The following GFRA2 variants were observed in gnomAD, a reference collection of about 807,000 sequenced individuals.
The protein encoded by GFRA2 is GDNF family receptor alpha 2.
In GFRA2, 17 loss-of-function variants were observed where a neutral mutation model predicts 48.3. The ratio of observed to expected loss-of-function variants is 0.35; its 90% confidence interval spans 0.24 to 0.53. The LOEUF (loss-of-function observed/expected upper bound fraction) is 0.53. Ranked by LOEUF, GFRA2 falls within the 20% of genes least tolerant of loss-of-function variation. GFRA2 has a pLI of 0.93. For missense variants in GFRA2, 660 were observed against 637.3 expected (o/e 1.04, Z -0.38); for synonymous variants, 305 against 257.2 (o/e 1.19, Z -1.78).
intron 1 of GFRA2, among the ~76,000 whole-genome samples, chr8:21,811,781 G>A (rs976405498): frequency 3.3e-5 from 5 of 151,224 alleles, no homozygotes; most frequent in Non-Finnish European, 7.4e-5. Flanking sequence ...GAAAGGCTTG[G>A]CTCTTGTTTT....
upstream of GFRA2, among the ~76,000 whole-genome samples, chr8:21,792,034 C>A (rs1173606898): frequency 6.6e-6 from 1 of 152,206 alleles, no homozygotes; most frequent in Non-Finnish European, 1.5e-5. Context: ...GAGCCTCCTG[C>A]CCACAGCCCC....
intron 4 of GFRA2, among the ~76,000 whole-genome samples, chr8:21,735,237 G>C (rs1228659940): frequency 6.6e-6 from 1 of 152,194 alleles, no homozygotes; most frequent in Non-Finnish European, 1.5e-5. Flanking sequence ...CAAAGGTGAA[G>C]TCTTGCATCC....
intron 2 of GFRA2, among the ~76,000 whole-genome samples, chr8:21,803,807 T>C (rs1235920890): frequency 2.0e-5 from 3 of 152,194 alleles, no homozygotes; most frequent in African/African-American, 4.8e-5. Context: ...TAATTTATTT[T>C]ACTTTTTTAG....
At chr8:21,736,917 G>GGAGGGGAGGGGAGGA (rs1200483226) in intron 4 of GFRA2, among the ~76,000 whole-genome samples, 24 of 144,236 alleles carry the variant, frequency 1.7e-4, no homozygotes, top group Non-Finnish European at 2.9e-4. Flanking sequence ...TGAGGGGAGG[G>GGAGGGGAGGGGAGGA]GAGGGGAGGG....
Position 21,735,194 on chromosome 8 carries a change from TGACTGA to T in GFRA2, c.794+15388_794+15393del, listed in dbSNP as rs934515694. Reference sequence around the variant, plus strand: ...CCTTGGCAAAATAAACTTTCTAAATTGACTGAGATCTGTCTCAAATTTTCAGGGTTC... The same window carrying T: ...CCTTGGCAAAATAAACTTTCTAAATTGATCTGTCTCAAATTTTCAGGGTTC... On this transcript the variant is annotated intron_variant, in intron 4 of 8. Transcript: ENST00000524240. 3.0e-4 allele frequency among the ~76,000 whole-genome samples: 46 copies of T among 152,284 alleles called. No individual in the cohort carries two copies. In the East Asian group the frequency reaches 4.6e-3, roughly 15 times the overall value.
At chr8:21,705,857 TG>T in intron 5 of GFRA2, 74 bp downstream of exon 5, 1 of 976,218 alleles carries the variant, frequency 1.0e-6, no homozygotes, top group Non-Finnish European at 1.6e-6. Context: ...GGCCCTGAGC[TG>T]GGCTGCGGCC....
chr8:21,750,624 T>C lies in GFRA2; in HGVS notation c.758A>G (p.Asp253Gly). The C allele has an allele frequency of 6.2e-7, 1 of 1,612,402 alleles. No individual in the cohort carries two copies. The part of the protein sequence containing the change: ...YEDKEKPNCL[D>G]LRGVCRTDHL... ...GTCAGTCCGGCACACGCCACGCAGG[T>C]CCAGGCAGTTGGGCTTCTCCTTGTC... is the stretch of plus-strand genomic sequence containing the variant. The change falls in exon 4 of 9, where the codon GAC (aspartate) becomes GGC (glycine). Residue 253 changes from aspartate to glycine, a missense_variant. Physicochemically the swap from Asp to Gly is moderately conservative, Grantham distance 94 (BLOSUM62 -1). Coordinates refer to ENST00000524240, the MANE Select transcript of GFRA2 (RefSeq NM_001495.5). The surrounding 1 kb of genome is among the most constrained non-coding windows in gnomAD (Gnocchi z 5.7).
At chr8:21,694,416 C>A (rs373349089) in intron 8 of GFRA2, 48 bp downstream of exon 8, 2 of 1,557,442 alleles carry the variant, frequency 1.3e-6, no homozygotes, top group Admixed American at 1.7e-5. Context: ...ATGCCGCCCC[C>A]CACCGGCCCA....
chr8:21,694,550 C>T (rs775164394), intron 7 of GFRA2, 33 bp from the exon 8 acceptor site: 4 of 1,597,162 alleles, frequency 2.5e-6, no homozygotes, highest in South Asian at 2.3e-5. Context: ...CAGGACGAGT[C>T]ACCAGGCTGT....
chr8:21,694,396 CG>C, intron 8 of GFRA2, 67 bp downstream of exon 8: 1 of 1,450,938 alleles, frequency 6.9e-7, no homozygotes, highest in South Asian at 1.2e-5. Flanking sequence ...ATCTGAGGCT[CG>C]CCGGGGAAAT....
chr8:21,718,385 T>G (rs954254683), intron 4 of GFRA2, among the ~76,000 whole-genome samples: 1 of 152,218 alleles, frequency 6.6e-6, no homozygotes, highest in African/African-American at 2.4e-5. Flanking sequence ...CCTCTTTCTT[T>G]TGTGAATTGC....
chr8:21,736,849 T>A (rs1446112185), intron 4 of GFRA2, among the ~76,000 whole-genome samples: 1 of 146,872 alleles, frequency 6.8e-6, no homozygotes, highest in East Asian at 2.0e-4. Flanking sequence ...AGCAGTAAAG[T>A]GAATTTCATT....
At chr8:21,706,079 G>C (rs1439048220) in intron 4 of GFRA2, 38 bp from the exon 5 acceptor site, 2 of 1,336,436 alleles carry the variant, frequency 1.5e-6, no homozygotes, top group Non-Finnish European at 2.1e-6. Flanking sequence ...GAAAACAGGG[G>C]TTCAGTCTAG....
upstream of GFRA2, among the ~76,000 whole-genome samples, chr8:21,790,306 G>C (rs1419583824): frequency 6.6e-6 from 1 of 152,210 alleles, no homozygotes; most frequent in African/African-American, 2.4e-5. Flanking sequence ...CTGGGGTGGG[G>C]TACACGCAGC....
rs577780655 is a variant in GFRA2 at position 21,692,245 on chromosome 8, G to C, written c.*1033C>G. 2.6e-5 allele frequency: 4 copies of C among 152,428 alleles called. No homozygotes were observed. Among genetic ancestry groups the C allele is most frequent in the Admixed American group, 1.3e-4 (2 of 15,280 alleles). The allele number at this position is 152,428 out of a possible 1,614,324, so 9.4% of individuals were successfully genotyped here. A position where few individuals can be genotyped will look rare whatever the true frequency, so the allele number is the denominator to read the frequency against. On this transcript the variant is annotated 3_prime_UTR_variant, in exon 9 of 9. Transcript: ENST00000524240. ...TGTTGCTTAAAAAAAGGAAAGAAAG[G>C]GGAAACCACACAATATATGTATATG...
At chr8:21,785,915 G>A (rs2117084868) in intron 1 of GFRA2, among the ~76,000 whole-genome samples, 1 of 152,240 alleles carries the variant, frequency 6.6e-6, no homozygotes, top group Non-Finnish European at 1.5e-5. Context: ...CCACCCAGTG[G>A]GATTTTCAAC....
At position 21,692,951 on chromosome 8, in the gene GFRA2, T is replaced by C. The variant is rs1801943982; in HGVS notation, c.*327A>G. ...GAGTCCCTTCCGCTGCAGGCTCTTG[T>C]CCGGTCTCTGCTTCAGAAGGGTCCA... On this transcript the variant is annotated 3_prime_UTR_variant, in exon 9 of 9. Coordinates refer to ENST00000524240, the MANE Select transcript of GFRA2 (RefSeq NM_001495.5). 1 of 173,526 alleles carries C rather than the reference T, an allele frequency of 5.8e-6. No individual in the cohort carries two copies. Among genetic ancestry groups the C allele is most frequent in the African/African-American group, 2.4e-5 (1 of 42,036 alleles). The allele number at this position is 173,526 out of a possible 1,614,324, so 10.7% of individuals were successfully genotyped here. A position where few individuals can be genotyped will look rare whatever the true frequency, so the allele number is the denominator to read the frequency against.
At chr8:21,742,154 A>T (rs1804778647) in intron 4 of GFRA2, among the ~76,000 whole-genome samples, 1 of 152,114 alleles carries the variant, frequency 6.6e-6, no homozygotes, top group Admixed American at 6.5e-5. Context: ...GATGTTATGA[A>T]TGTAGTGTTT....
rs1189175586 is a variant in GFRA2, at chr8:21,799,221, AT to A, written c.-36+5795del. 4.1e-3 allele frequency among the ~76,000 whole-genome samples: 283 copies of A among 69,232 alleles called. 1 individual carries two copies. Among genetic ancestry groups the A allele is most frequent in the African/African-American group, 0.011 (176 of 16,144 alleles). The allele number at this position is 69,232 out of a possible 152,430, so 45.4% of individuals were successfully genotyped here. A position where few individuals can be genotyped will look rare whatever the true frequency, so the allele number is the denominator to read the frequency against. On this transcript the variant is annotated intron_variant, in intron 2 of 10. Transcript: ENST00000517328. ...GAAAATTGATATATCTGACCAGAGG[AT>A]TTTTTTTTTTTTTGAGACGGAGTCT...
Sources: allele counts gnomAD v4.1 joint callset (sites outside exome capture counted in the v4.1 genomes callset), GRCh38; gene constraint gnomAD v4.1.1; non-coding constraint Gnocchi (gnomAD v3.1); transcripts MANE v1.5; gene names NCBI Gene and HGNC (gene_info 2026-07-23, HGNC 2026-07-21).